Variants in ZBTB7C observed in about 807,000 individuals in gnomAD.
ZBTB7C encodes the protein zinc finger and BTB domain containing 7C, also known as zinc finger and BTB domain-containing protein 7C.
ZBTB7C carries 8 observed loss-of-function variants against 25.7 expected under a neutral mutation model. That is an observed-to-expected ratio of 0.31 (90% CI 0.18 to 0.56). ZBTB7C has a LOEUF of 0.56. Among genes scored for constraint, ZBTB7C ranks in the 20% least tolerant of loss-of-function variants. The probability of loss-of-function intolerance (pLI) is 0.91; values close to 1 mark genes in which losing one functional copy is unlikely to be tolerated. For synonymous variants in ZBTB7C, 394 were observed against 369.0 expected, an observed-to-expected ratio of 1.07 and a Z score of -0.78; for missense variants, 824 against 855.2, an observed-to-expected ratio of 0.96 and a Z score of 0.46.
intron 2 of ZBTB7C, among the ~76,000 whole-genome samples, chr18:48,219,045 C>T (rs1398817871): frequency 2.6e-5 from 4 of 152,176 alleles, no homozygotes; most frequent in African/African-American, 4.8e-5. Flanking sequence ...TTTATAATAA[C>T]AGCAGCCCCC....
In ZBTB7C at chr18:48,040,316, G is replaced by A. The variant is rs201022618; in HGVS notation, c.792C>T (p.Phe264=). Residue 264 remains phenylalanine (F), a synonymous_variant, in exon 4 of 5, where the codon TTC becomes TTT. Transcript: ENST00000590800. The stretch of plus-strand genomic sequence containing the variant: ...GCTCAGGCAGCTGGGCAAAGGCACC[G>A]AAGTCCCCTGGCCAGAGGTGTGGAA... ...DFFPHLWPGD[F]GAFAQLPEQP... is the part of the protein sequence containing the mutation. 1.0e-4 allele frequency: 158 copies of A among 1,586,958 alleles called. 1 individual carries two copies. The Admixed American group carries it at 2.5e-3, about 25-fold the overall frequency.
intron 3 of ZBTB7C, among the ~76,000 whole-genome samples, chr18:48,051,028 A>G (rs1244776919): frequency 1.0e-5 from 1 of 95,354 alleles, no homozygotes; most frequent in Non-Finnish European, 1.9e-5. Flanking sequence ...AGAGGTCCCA[A>G]ACCTCCTGCT....
chr18:48,279,205 G>C (rs1193945366), intron 2 of ZBTB7C, among the ~76,000 whole-genome samples: 1 of 152,092 alleles, frequency 6.6e-6, no homozygotes, highest in Non-Finnish European at 1.5e-5. Flanking sequence ...TGAGAAAACT[G>C]CTCCTGCTCC....
chr18:48,126,460 G>A (rs1358593942), intron 3 of ZBTB7C, among the ~76,000 whole-genome samples: 3 of 152,162 alleles, frequency 2.0e-5, no homozygotes, highest in South Asian at 2.1e-4. Context: ...CCAATCACCT[G>A]GAACTGATTG....
intron 2 of ZBTB7C, among the ~76,000 whole-genome samples, chr18:48,268,208 C>T (rs1361205924): frequency 1.3e-5 from 2 of 152,218 alleles, no homozygotes; most frequent in African/African-American, 2.4e-5. Context: ...TAATTACAAG[C>T]ACTTCTCCAG....
At chr18:48,310,222 T>C (rs919406377) in intron 2 of ZBTB7C, among the ~76,000 whole-genome samples, 2 of 148,590 alleles carry the variant, frequency 1.3e-5, no homozygotes, top group African/African-American at 5.1e-5. Flanking sequence ...AGAGTGAGAC[T>C]CCACCTCAAA....
chr18:48,143,800 C>A (rs941091780), intron 3 of ZBTB7C, among the ~76,000 whole-genome samples: 4 of 152,218 alleles, frequency 2.6e-5, no homozygotes, highest in Non-Finnish European at 5.9e-5. Flanking sequence ...CAGCGAGGAT[C>A]CCCCTACCTT....
At chr18:48,339,868 T>C (rs1022163967) in intron 1 of ZBTB7C, among the ~76,000 whole-genome samples, 5 of 152,076 alleles carry the variant, frequency 3.3e-5, no homozygotes, top group African/African-American at 1.2e-4. Context: ...ACAAAGAAAT[T>C]GGCTGCGATA....
intron 2 of ZBTB7C, among the ~76,000 whole-genome samples, chr18:48,304,165 A>G (rs1288842930): frequency 6.6e-6 from 1 of 152,190 alleles, no homozygotes; most frequent in Non-Finnish European, 1.5e-5. Flanking sequence ...CCACACACAG[A>G]GCATAAGCCC....
At chr18:48,304,090 G>T (rs764212661) in intron 2 of ZBTB7C, among the ~76,000 whole-genome samples, 2 of 149,428 alleles carry the variant, frequency 1.3e-5, no homozygotes, top group African/African-American at 4.8e-5. Context: ...AATGAACCCA[G>T]GGGGTCTGGG....
chr18:48,382,383 G>A (rs113501755), intron 1 of ZBTB7C, among the ~76,000 whole-genome samples: 2,948 of 152,242 alleles, frequency 0.019, 33 homozygotes, highest in Middle Eastern at 0.079. Context: ...AGCCAATATC[G>A]CTAAACTTCA....
Position 48,236,930 on chromosome 18 carries a change from G to A in ZBTB7C, c.-78-50935C>T, listed in dbSNP as rs191085906. Among the ~76,000 whole-genome samples, 4 of 152,278 alleles carry A rather than the reference G, an allele frequency of 2.6e-5. No homozygotes were observed. The East Asian group carries it at 5.8e-4, about 22-fold the overall frequency. ...AGAAAGACTGAAAAACCAAACAGGG[G>A]ATCATGGAGCAATCCACAGATTAGC... On this transcript the variant is annotated intron_variant, in intron 2 of 4. Coordinates refer to ENST00000590800, the MANE Select transcript of ZBTB7C (RefSeq NM_001318841.2).
chr18:48,303,198 A>ATC (rs1466120646), intron 2 of ZBTB7C, among the ~76,000 whole-genome samples: 1 of 152,192 alleles, frequency 6.6e-6, no homozygotes, highest in Non-Finnish European at 1.5e-5. Flanking sequence ...CCTTGACTTG[A>ATC]TCTCTCATGA....
intron 2 of ZBTB7C, among the ~76,000 whole-genome samples, chr18:48,227,068 G>C (rs983401051): frequency 1.3e-4 from 20 of 149,642 alleles, no homozygotes; most frequent in African/African-American, 1.5e-4. Flanking sequence ...AAAAGAGTTA[G>C]CTATATACTC....
At chr18:48,224,101 C>A (rs756517598) in intron 2 of ZBTB7C, among the ~76,000 whole-genome samples, 11 of 152,172 alleles carry the variant, frequency 7.2e-5, no homozygotes, top group Non-Finnish European at 1.3e-4. Flanking sequence ...TACCTACAGG[C>A]TTCCTGTACA....
Position 48,029,156 on chromosome 18 carries a change from T to G in ZBTB7C, c.*104A>C. 7.3e-7 allele frequency: 1 copy of G among 1,372,246 alleles called. No homozygotes were observed. Among genetic ancestry groups the G allele is most frequent in the Non-Finnish European group, 9.6e-7 (1 of 1,045,086 alleles). The allele number at this position is 1,372,246 out of a possible 1,614,324, so 85.0% of individuals were successfully genotyped here. A position where few individuals can be genotyped will look rare whatever the true frequency, so the allele number is the denominator to read the frequency against. ...ATTATTATTATTTTCCCATTTTCCC[T>G]TTGTGTTTTTAAAATGAAAAGTTCA... On this transcript the variant is annotated 3_prime_UTR_variant, in exon 5 of 5. Coordinates refer to ENST00000590800, the MANE Select transcript of ZBTB7C (RefSeq NM_001318841.2).
At chr18:48,177,170 G>A (rs1387089955) in intron 3 of ZBTB7C, among the ~76,000 whole-genome samples, 2 of 152,232 alleles carry the variant, frequency 1.3e-5, no homozygotes, top group African/African-American at 4.8e-5. Flanking sequence ...GCAGGACAAT[G>A]AGCCAAGAAC....
intron 2 of ZBTB7C, among the ~76,000 whole-genome samples, chr18:48,255,766 C>T (rs1198183986): frequency 2.6e-5 from 4 of 152,114 alleles, no homozygotes; most frequent in Non-Finnish European, 2.9e-5. Context: ...TTGCCCAATT[C>T]TAGATTGAAA....
intron 3 of ZBTB7C, among the ~76,000 whole-genome samples, chr18:48,118,429 A>C (rs372796972): frequency 1.3e-5 from 2 of 152,196 alleles, no homozygotes; most frequent in Non-Finnish European, 2.9e-5. Flanking sequence ...AGGATACAAA[A>C]GCTGTTTTTA....
Sources: gnomAD v4.1 joint callset for allele counts (sites outside exome capture counted in the v4.1 genomes callset) on GRCh38, gnomAD v4.1.1 for gene constraint, MANE v1.5 for transcripts, NCBI Gene and HGNC (gene_info 2026-07-23, HGNC 2026-07-21) for gene names.